CENPP: variants seen among roughly 807,000 people sequenced by gnomAD.
CENPP encodes the protein centromere protein P.
CENPP carries 24 observed loss-of-function variants against 35.6 expected under a neutral mutation model. The observed-to-expected ratio is 0.67, with a 90% confidence interval of 0.49 to 0.95. The LOEUF (loss-of-function observed/expected upper bound fraction) is 0.95. CENPP is among the 40% of genes least tolerant of loss of function. CENPP has a pLI of 0.00. For synonymous variants in CENPP, 120 were observed against 125.5 expected, an observed-to-expected ratio of 0.96 and a Z score of 0.29; for missense variants, 332 against 345.3, an observed-to-expected ratio of 0.96 and a Z score of 0.31.
chr9:92,600,197 G>A, intron 5 of CENPP: 1 of 1,009,444 alleles, frequency 9.9e-7, no homozygotes, highest in Non-Finnish European at 1.3e-6. Flanking sequence ...TTTCAACCAT[G>A]TTTAGCTTGA....
intron 4 of CENPP, among the ~76,000 whole-genome samples, chr9:92,367,798 A>C (rs565707668): frequency 6.6e-6 from 1 of 151,990 alleles, no homozygotes; most frequent in East Asian, 1.9e-4. Flanking sequence ...TTGTATTTTT[A>C]GTAGAGATGG....
At chr9:92,525,576 A>G (rs184042532) in intron 5 of CENPP, among the ~76,000 whole-genome samples, 5 of 152,184 alleles carry the variant, frequency 3.3e-5, no homozygotes, top group Non-Finnish European at 4.4e-5. Flanking sequence ...AAACAAACCT[A>G]CTGCACTTCC....
chr9:92,438,781 C>T (rs1418816194), intron 5 of CENPP, among the ~76,000 whole-genome samples: 4 of 152,114 alleles, frequency 2.6e-5, no homozygotes, highest in African/African-American at 7.2e-5. Flanking sequence ...GGTGAAACCC[C>T]GTCACTACTA....
rs1264632844 is a variant in CENPP, at chr9:92,398,898, T to TA, written c.564+19044dup. Among the ~76,000 whole-genome samples, 4 of 152,152 alleles carry TA rather than the reference T, an allele frequency of 2.6e-5. No individual in the cohort carries two copies. In the South Asian group the frequency reaches 6.2e-4, roughly 24 times the overall value. ...CCAACATGGTGAAACCTGTCTCTAC[T>TA]AAAAATACAATAAATTAGCCTGGCG... On this transcript the variant is annotated intron_variant, in intron 5 of 7. Transcript: ENST00000375587.
chr9:92,490,554 GA>G (rs1449573451), intron 5 of CENPP, among the ~76,000 whole-genome samples: 1 of 152,154 alleles, frequency 6.6e-6, no homozygotes, highest in African/African-American at 2.4e-5. Context: ...GAAAGAGGTG[GA>G]ATCAATATCA....
chr9:92,477,126 A>G (rs1845739456), intron 5 of CENPP, among the ~76,000 whole-genome samples: 1 of 152,194 alleles, frequency 6.6e-6, no homozygotes, highest in South Asian at 2.1e-4. Context: ...GAAATCACCA[A>G]CTGTGGCTGA....
intron 5 of CENPP, among the ~76,000 whole-genome samples, chr9:92,586,248 T>C (rs1850538214): frequency 6.6e-6 from 1 of 152,212 alleles, no homozygotes; most frequent in Admixed American, 6.5e-5. Flanking sequence ...TTTCGCCATG[T>C]TGGCCAGGCT....
intron 4 of CENPP, among the ~76,000 whole-genome samples, chr9:92,354,808 TAAAGAG>T (rs903799207): frequency 2.6e-5 from 4 of 151,952 alleles, no homozygotes; most frequent in African/African-American, 7.3e-5. Flanking sequence ...GGCTGAGAAA[TAAAGAG>T]AAAGAGTAAA....
intron 5 of CENPP, chr9:92,393,082 T>G: frequency 6.2e-7 from 1 of 1,612,094 alleles, no homozygotes; most frequent in Non-Finnish European, 8.5e-7. Context: ...TCAGCTTAAC[T>G]TACGTATGTC....
chr9:92,529,318 A>G (rs1485845315), intron 5 of CENPP, among the ~76,000 whole-genome samples: 1 of 152,216 alleles, frequency 6.6e-6, no homozygotes, highest in Non-Finnish European at 1.5e-5. Context: ...AGTGCTGGTG[A>G]GTGTGTGGAG....
In CENPP at chr9:92,619,631, C is replaced by T. The variant is rs1215422473; in HGVS notation, c.*6482C>T. 3 of 1,388,096 alleles carry T rather than the reference C, an allele frequency of 2.2e-6. No individual in the cohort carries two copies. Among genetic ancestry groups the T allele is most frequent in the Non-Finnish European group, 3.0e-6 (3 of 1,001,190 alleles). The allele number at this position is 1,388,096 out of a possible 1,614,324, so 86.0% of individuals were successfully genotyped here. ...GCCTCTGCCCCCCCACACAACCTTCCTTCCCAGTAGCCAAGTGTGGGAACT... is the reference window on the plus strand; with the variant it reads ...GCCTCTGCCCCCCCACACAACCTTCTTTCCCAGTAGCCAAGTGTGGGAACT... On this transcript the variant is annotated 3_prime_UTR_variant, in exon 8 of 8. Coordinates refer to ENST00000375587, the MANE Select transcript of CENPP (RefSeq NM_001012267.3).
intron 5 of CENPP, among the ~76,000 whole-genome samples, chr9:92,527,271 A>G (rs1848471256): frequency 6.6e-6 from 1 of 152,180 alleles, no homozygotes; most frequent in African/African-American, 2.4e-5. Context: ...TCAGCCTCAC[A>G]AAGTGCTAGG....
At position 92,533,074 on chromosome 9, in the gene CENPP, G is replaced by A. The variant is rs577231213; in HGVS notation, c.565-78240G>A. Among the ~76,000 whole-genome samples, 5 of 151,468 alleles carry A rather than the reference G, an allele frequency of 3.3e-5. No homozygotes were observed. The East Asian group carries it at 5.9e-4, about 18-fold the overall frequency. On this transcript the variant is annotated intron_variant, in intron 5 of 7. Transcript: ENST00000375587. ...AGCACTTTGGGAGGCCAAGGCTAGC[G>A]GATCACAAGGTCAGGAGTTTGAGAC...
Position 92,618,165 on chromosome 9 carries a change from G to A in CENPP, c.*5016G>A, listed in dbSNP as rs776578369. 9.5e-5 allele frequency: 43 copies of A among 451,600 alleles called. No homozygotes were observed. Among genetic ancestry groups the A allele is most frequent in the Admixed American group, 4.7e-4 (20 of 42,282 alleles). 28.0% of individuals were successfully genotyped at this position (451,600 alleles called of 1,614,324 possible). A position where few individuals can be genotyped will look rare whatever the true frequency, so the allele number is the denominator to read the frequency against. On this transcript the variant is annotated 3_prime_UTR_variant, in exon 8 of 8. Coordinates refer to ENST00000375587, the MANE Select transcript of CENPP (RefSeq NM_001012267.3). ...GCCCAGCCCCACACGCCATGTTCTC[G>A]GAGGAGAAGCCTTCTCTGAGATCCT...
intron 4 of CENPP, among the ~76,000 whole-genome samples, chr9:92,352,079 G>A (rs1841463416): frequency 7.4e-6 from 1 of 135,224 alleles, no homozygotes; most frequent in Non-Finnish European, 1.6e-5. Flanking sequence ...ATCTATATAA[G>A]ATAGTCCTGG....
rs1283513613 is a variant in CENPP, at chr9:92,366,242, T to A, written c.468-13521T>A. On this transcript the variant is annotated intron_variant, in intron 4 of 7. Transcript: ENST00000375587. ...TGTCCCATTCTAAAAACTTATATAT[T>A]TATGAATTGAAGAATAAAATATATC... Among the ~76,000 whole-genome samples, 7 of 152,150 alleles carry A rather than the reference T, an allele frequency of 4.6e-5. No homozygotes were observed. In the East Asian group the frequency reaches 1.4e-3, roughly 29 times the overall value.
intron 5 of CENPP, among the ~76,000 whole-genome samples, chr9:92,522,169 C>T (rs1370147540): frequency 6.6e-6 from 1 of 152,088 alleles, no homozygotes; most frequent in Non-Finnish European, 1.5e-5. Context: ...TCACTGCAAC[C>T]TCCACCTCCC....
At chr9:92,547,840 A>G (rs1403043834) in intron 5 of CENPP, among the ~76,000 whole-genome samples, 9 of 152,218 alleles carry the variant, frequency 5.9e-5, no homozygotes, top group Admixed American at 5.9e-4. Context: ...ATTTTTTTAA[A>G]TGGTGAAATA....
At chr9:92,588,391 A>G (rs7873646) in intron 5 of CENPP, among the ~76,000 whole-genome samples, 100,341 of 150,284 alleles carry the variant, frequency 0.67, 35,166 homozygotes, top group African/African-American at 0.89. Flanking sequence ...GGGACTACAG[A>G]CGCCCGGCAC....
Sources: allele counts gnomAD v4.1 joint callset (sites outside exome capture counted in the v4.1 genomes callset), GRCh38; gene constraint gnomAD v4.1.1; transcripts MANE v1.5; gene names NCBI Gene and HGNC (gene_info 2026-07-23, HGNC 2026-07-21).